The following ASTN2 variants were observed in gnomAD, a reference collection of about 807,000 sequenced individuals.
ASTN2 encodes the protein astrotactin 2, also known as astrotactin-2.
In ASTN2, 54 loss-of-function variants were observed where a neutral mutation model predicts 139.8. The ratio of observed to expected loss-of-function variants is 0.39; its 90% CI spans 0.31 to 0.48. ASTN2 has a LOEUF of 0.48. Ranked by LOEUF, ASTN2 falls within the 20% of genes least tolerant of loss-of-function variation. The pLI, the probability that ASTN2 is intolerant of heterozygous loss-of-function variation, is 0.95. For missense variants in ASTN2, 1,565 were observed against 1,725.1 expected (o/e 0.91, Z 1.64); for synonymous variants, 756 against 719.5 (o/e 1.05, Z -0.81).
rs1314235165 is a variant in ASTN2 at position 117,069,023 on chromosome 9, A to G, written c.1276+27021T>C. Among the ~76,000 whole-genome samples, 3 of 104,026 alleles carry G rather than the reference A, an allele frequency of 2.9e-5. No homozygotes were observed. In the Admixed American group the frequency reaches 3.2e-4, roughly 11 times the overall value. The allele number at this position is 104,026 out of a possible 152,430, so 68.2% of individuals were successfully genotyped here. ...CTCTATTTCCTTGAGTTCTGCTCTG[A>G]TTTTAGTTATTTCTTGCCTTCTGCT... On this transcript the variant is annotated intron_variant, in intron 5 of 22. Coordinates refer to ENST00000313400, the MANE Select transcript of ASTN2 (RefSeq NM_001365068.1).
At chr9:116,639,619 C>A (rs1419684064) in intron 17 of ASTN2, among the ~76,000 whole-genome samples, 1 of 152,190 alleles carries the variant, frequency 6.6e-6, no homozygotes, top group East Asian at 1.9e-4. Flanking sequence ...TTCCTGGAAG[C>A]CCAGCATTGC....
chr9:116,544,042 C>A (rs888625078), intron 19 of ASTN2, among the ~76,000 whole-genome samples: 2 of 152,128 alleles, frequency 1.3e-5, no homozygotes, highest in African/African-American at 4.8e-5. Flanking sequence ...AATGAGTTAG[C>A]AATGTCCAAA....
chr9:116,728,567 G>A (rs969140196), intron 15 of ASTN2, among the ~76,000 whole-genome samples: 4 of 151,980 alleles, frequency 2.6e-5, no homozygotes, highest in Non-Finnish European at 4.4e-5. Flanking sequence ...TTTTTGTATC[G>A]GAGATGGACA....
chr9:116,792,345 T>C (rs1009863919), intron 13 of ASTN2, among the ~76,000 whole-genome samples: 6 of 152,148 alleles, frequency 3.9e-5, no homozygotes, highest in African/African-American at 1.4e-4. Flanking sequence ...TCGCTACTCT[T>C]CCAGGAGTTT....
At chr9:116,496,541 G>A (rs4837565) in intron 19 of ASTN2, among the ~76,000 whole-genome samples, 20,602 of 152,110 alleles carry the variant, frequency 0.14, 1,491 homozygotes, top group Middle Eastern at 0.19. Context: ...AATTCTGCAA[G>A]ACCCTTTTAA....
intron 7 of ASTN2, among the ~76,000 whole-genome samples, chr9:116,985,205 G>A (rs1359931103): frequency 6.6e-6 from 1 of 152,162 alleles, no homozygotes; most frequent in Non-Finnish European, 1.5e-5. Context: ...CTGCTGGTGT[G>A]AGACTTTCCA....
intron 19 of ASTN2, among the ~76,000 whole-genome samples, chr9:116,592,221 T>C (rs1854405625): frequency 6.6e-6 from 1 of 152,174 alleles, no homozygotes; most frequent in Non-Finnish European, 1.5e-5. Context: ...TAACTGAGAA[T>C]GGACAATTTA....
rs116171282 is a variant in ASTN2 at position 117,045,679 on chromosome 9, T to C, written c.1277-5714A>G. Among the ~76,000 whole-genome samples the C allele has an allele frequency of 2.6e-3, 394 of 152,232 alleles. 2 individuals are homozygous for C. Among genetic ancestry groups the C allele is most frequent in the African/African-American group, 9.1e-3 (379 of 41,544 alleles). On this transcript the variant is annotated intron_variant, in intron 5 of 22. Coordinates refer to ENST00000313400, the MANE Select transcript of ASTN2 (RefSeq NM_001365068.1). ...GGAGAAAATGAAATTTAAGTTAAAT[T>C]TGGAATTGAATCAATCACATTTTAT...
intron 19 of ASTN2, among the ~76,000 whole-genome samples, chr9:116,592,480 C>T (rs939433038): frequency 6.6e-6 from 1 of 152,168 alleles, no homozygotes; most frequent in Non-Finnish European, 1.5e-5. Context: ...CAATCACCTT[C>T]CACCAGCCCT....
Position 116,425,720 on chromosome 9 carries a change from C to T in ASTN2, c.*131G>A, listed in dbSNP as rs1847284173. 6.2e-7 allele frequency: 1 copy of T among 1,606,298 alleles called. No individual in the cohort carries two copies. Among genetic ancestry groups the T allele is most frequent in the Admixed American group, 1.7e-5 (1 of 58,662 alleles). On this transcript the variant is annotated 3_prime_UTR_variant, in exon 23 of 23. Coordinates refer to ENST00000313400, the MANE Select transcript of ASTN2 (RefSeq NM_001365068.1). Reference sequence around the variant, plus strand: ...CACAGGAGAAACCGTTTGCTTTGGCCTTGCTGGCAAGCTTCATCTGCTAGG... The same window carrying T: ...CACAGGAGAAACCGTTTGCTTTGGCTTTGCTGGCAAGCTTCATCTGCTAGG...
intron 2 of ASTN2, among the ~76,000 whole-genome samples, chr9:117,227,477 T>A (rs769313734): frequency 2.6e-5 from 4 of 151,972 alleles, no homozygotes; most frequent in Non-Finnish European, 5.9e-5. Flanking sequence ...CAGGGATGGG[T>A]GGATGGATGG....
At chr9:117,325,882 C>A (rs1828497788) in intron 1 of ASTN2, among the ~76,000 whole-genome samples, 1 of 152,116 alleles carries the variant, frequency 6.6e-6, no homozygotes, top group Non-Finnish European at 1.5e-5. Flanking sequence ...CTGTCAGTCC[C>A]CAGGCAGGTC....
At chr9:117,239,646 C>T (rs1185821328) in intron 2 of ASTN2, among the ~76,000 whole-genome samples, 5 of 152,218 alleles carry the variant, frequency 3.3e-5, no homozygotes, top group Non-Finnish European at 7.3e-5. Flanking sequence ...TCTCTGAAAG[C>T]CTAGGAGAAC....
intron 16 of ASTN2, among the ~76,000 whole-genome samples, chr9:116,658,733 CTTT>C (rs71502074): frequency 3.0e-4 from 30 of 101,100 alleles, no homozygotes; most frequent in Admixed American, 6.0e-4. Flanking sequence ...GACCACCGCT[CTTT>C]TTTTTTTTTT....
chr9:116,971,828 C>G (rs924356399), intron 10 of ASTN2, among the ~76,000 whole-genome samples: 12 of 152,328 alleles, frequency 7.9e-5, no homozygotes, highest in East Asian at 1.9e-4. Context: ...TAATCTTCAT[C>G]ACTCCATATA....
intron 17 of ASTN2, among the ~76,000 whole-genome samples, chr9:116,632,229 G>GA (rs1396117568): frequency 7.9e-6 from 1 of 126,528 alleles, no homozygotes; most frequent in African/African-American, 3.0e-5. Flanking sequence ...AAGAAAGAAA[G>GA]AAAGAAAGAA....
intron 3 of ASTN2, among the ~76,000 whole-genome samples, chr9:117,203,013 C>T (rs564566511): frequency 2.6e-5 from 4 of 152,036 alleles, no homozygotes; most frequent in Non-Finnish European, 4.4e-5. Flanking sequence ...TACCACATTT[C>T]GTGCAGGCTT....
chr9:117,004,002 G>T (rs1837283364), intron 7 of ASTN2, among the ~76,000 whole-genome samples: 1 of 138,340 alleles, frequency 7.2e-6, no homozygotes, highest in South Asian at 2.6e-4. Context: ...TACTGGTTAG[G>T]GTGGCAGTGA....
chr9:116,734,648 G>A (rs1828877692), intron 13 of ASTN2, among the ~76,000 whole-genome samples: 2 of 152,164 alleles, frequency 1.3e-5, no homozygotes, highest in African/African-American at 2.4e-5. Context: ...ACATGGAATG[G>A]TCAACCTTGA....
Sources: allele counts gnomAD v4.1 joint callset (sites outside exome capture counted in the v4.1 genomes callset), GRCh38; gene constraint gnomAD v4.1.1; transcripts MANE v1.5; gene names NCBI Gene and HGNC (gene_info 2026-07-23, HGNC 2026-07-21).